The following RNF130 variants were observed in gnomAD, a reference collection of about 807,000 sequenced individuals.
The protein encoded by RNF130 is ring finger protein 130, also known as E3 ubiquitin-protein ligase RNF130.
Under a neutral mutation model 44.6 loss-of-function variants are expected in RNF130, and 21 were observed. That is an observed-to-expected ratio of 0.47 (90% CI 0.33 to 0.68). The LOEUF (loss-of-function observed/expected upper bound fraction) is 0.68. Ranked by LOEUF, RNF130 falls within the 30% of genes least tolerant of loss-of-function variation. The pLI is 0.02. For synonymous variants in RNF130, 214 were observed against 210.4 expected, an observed-to-expected ratio of 1.02 and a Z score of -0.15; for missense variants, 479 against 560.6, an observed-to-expected ratio of 0.85 and a Z score of 1.47.
intron 1 of RNF130, among the ~76,000 whole-genome samples, chr5:180,067,930 G>A (rs1286998308): frequency 6.6e-6 from 1 of 152,094 alleles, no homozygotes; most frequent in African/African-American, 2.4e-5. Flanking sequence ...TAAAGGCTTC[G>A]TCTAATAGGA....
chr5:180,003,417 A>G (rs1763391481), intron 3 of RNF130, among the ~76,000 whole-genome samples: 1 of 152,244 alleles, frequency 6.6e-6, no homozygotes, highest in Non-Finnish European at 1.5e-5. Flanking sequence ...TAGGTAGATC[A>G]TATTTTCCAC....
chr5:179,974,657 G>A (rs1762675831), intron 5 of RNF130, among the ~76,000 whole-genome samples: 1 of 152,270 alleles, frequency 6.6e-6, no homozygotes, highest in Non-Finnish European at 1.5e-5. Context: ...GAGGCAGTGG[G>A]CAGGTGTGAC....
chr5:179,934,140 C>G (rs1761852649), intron 7 of RNF130: 1 of 220,586 alleles, frequency 4.5e-6, no homozygotes, highest in Non-Finnish European at 9.1e-6. Flanking sequence ...GTTTGCCTCT[C>G]CTTTAGACAT....
At chr5:180,022,967 C>T (rs910669053) in intron 2 of RNF130, among the ~76,000 whole-genome samples, 6 of 152,200 alleles carry the variant, frequency 3.9e-5, no homozygotes, top group Non-Finnish European at 5.9e-5. Flanking sequence ...GAAGCTTTCA[C>T]GCCAAGCACC....
In RNF130 at chr5:180,032,968, A is replaced by G. The variant is rs1045078165; in HGVS notation, c.442+7485T>C. Among the ~76,000 whole-genome samples the G allele has an allele frequency of 5.9e-5, 9 of 151,720 alleles. No individual in the cohort carries two copies. The East Asian group carries it at 1.5e-3, about 26-fold the overall frequency. ...ATCAAAGGATATGAAAGGTCTCTCC[A>G]TTTATCCAGATTTTTTTTTTTTTTG... On this transcript the variant is annotated intron_variant, in intron 2 of 8. Transcript: ENST00000521389.
At chr5:179,972,748 C>T (rs1289288146) in intron 5 of RNF130, among the ~76,000 whole-genome samples, 1 of 152,170 alleles carries the variant, frequency 6.6e-6, no homozygotes, top group Non-Finnish European at 1.5e-5. Flanking sequence ...TTTTCTCTTA[C>T]TATCCAGAAA....
intron 1 of RNF130, among the ~76,000 whole-genome samples, chr5:180,052,806 G>A (rs1051222796): frequency 6.6e-6 from 1 of 152,172 alleles, no homozygotes; most frequent in African/African-American, 2.4e-5. Context: ...AAGACTGAGA[G>A]AGATTGCTCA....
intron 3 of RNF130, among the ~76,000 whole-genome samples, chr5:179,985,137 AC>A (rs1762925588): frequency 8.0e-6 from 1 of 125,456 alleles, no homozygotes; most frequent in South Asian, 2.6e-4. Context: ...TCATCTTGAA[AC>A]CCTTTACCCC....
chr5:179,942,289 T>C (rs1761977825), intron 7 of RNF130, among the ~76,000 whole-genome samples: 2 of 151,972 alleles, frequency 1.3e-5, no homozygotes, highest in Non-Finnish European at 1.5e-5. Flanking sequence ...ACAAAGGTTT[T>C]AAATAACTGA....
intron 3 of RNF130, among the ~76,000 whole-genome samples, chr5:180,000,571 A>G (rs930434155): frequency 2.0e-5 from 3 of 152,024 alleles, no homozygotes; most frequent in African/African-American, 7.3e-5. Flanking sequence ...GGCGTTCTTC[A>G]TTATTTTTCA....
chr5:180,046,567 A>G (rs1764572336), intron 1 of RNF130, among the ~76,000 whole-genome samples: 1 of 152,150 alleles, frequency 6.6e-6, no homozygotes, highest in Non-Finnish European at 1.5e-5. Context: ...ATAGCCTCGG[A>G]CAGTATTTTT....
intron 5 of RNF130, among the ~76,000 whole-genome samples, chr5:179,973,272 C>T (rs1038948871): frequency 4.6e-5 from 7 of 152,070 alleles, no homozygotes; most frequent in Non-Finnish European, 7.4e-5. Flanking sequence ...TCACCCATGG[C>T]CCTCCTCTCC....
chr5:179,956,546 A>T (rs1222536663), intron 8 of RNF130: 1 of 152,722 alleles, frequency 6.5e-6, no homozygotes, highest in Admixed American at 6.5e-5. Context: ...CTTTATAAGA[A>T]TCAAGTCCAA....
chr5:179,932,322 A>G (rs1761820923), intron 7 of RNF130, among the ~76,000 whole-genome samples: 1 of 152,000 alleles, frequency 6.6e-6, no homozygotes. Flanking sequence ...CAGTGGTGCA[A>G]TCTCAGCTCA....
exon 8 of RNF130, chr5:179,920,277 A>T: frequency 1.5e-6 from 1 of 674,262 alleles, no homozygotes; most frequent in South Asian, 1.5e-5. Flanking sequence ...AAATCAAATC[A>T]CAAAAGCAGT....
chr5:179,978,514 T>C (rs1257654267), intron 4 of RNF130, among the ~76,000 whole-genome samples: 1 of 152,242 alleles, frequency 6.6e-6, no homozygotes, highest in African/African-American at 2.4e-5. Flanking sequence ...AATTTTGTTA[T>C]GATATGTCTT....
exon 8 of RNF130, chr5:179,917,484 T>A (rs1761569660): frequency 6.6e-6 from 1 of 152,232 alleles, no homozygotes; most frequent in African/African-American, 2.4e-5. Flanking sequence ...TGGCAAGACT[T>A]GCAACCACGG....
At chr5:179,958,588 C>CCTG (rs1282344596) in intron 8 of RNF130, among the ~76,000 whole-genome samples, 2 of 152,204 alleles carry the variant, frequency 1.3e-5, no homozygotes, top group Admixed American at 1.3e-4. Flanking sequence ...ACAGGTCTAT[C>CCTG]CTGTAGCTTC....
At chr5:180,060,930 G>A (rs551679915) in intron 1 of RNF130, among the ~76,000 whole-genome samples, 4 of 152,152 alleles carry the variant, frequency 2.6e-5, no homozygotes, top group Non-Finnish European at 5.9e-5. Context: ...TTAGCTGGGC[G>A]AGGTAGTGGG....
Sources: allele counts gnomAD v4.1 joint callset (sites outside exome capture counted in the v4.1 genomes callset), GRCh38; gene constraint gnomAD v4.1.1; transcripts MANE v1.5; gene names NCBI Gene and HGNC (gene_info 2026-07-23, HGNC 2026-07-21).